The following MAPKAP1 variants were observed in gnomAD, a reference collection of about 807,000 sequenced individuals.
MAPKAP1 encodes the protein MAPK associated protein 1, also known as target of rapamycin complex 2 subunit MAPKAP1.
In MAPKAP1, 20 loss-of-function variants were observed where a neutral mutation model predicts 65.7. That is an observed-to-expected ratio of 0.30 (90% CI 0.21 to 0.44). The LOEUF is 0.44. Among genes scored for constraint, MAPKAP1 ranks in the 20% least tolerant of loss-of-function variants. The pLI, the probability that MAPKAP1 is intolerant of heterozygous loss-of-function variation, is 1.00. For synonymous variants in MAPKAP1, 222 were observed against 244.3 expected (o/e 0.91, Z 0.85); for missense variants, 423 against 648.0 (o/e 0.65, Z 3.77).
intron 4 of MAPKAP1, among the ~76,000 whole-genome samples, chr9:125,636,368 A>G (rs1833423602): frequency 6.6e-6 from 1 of 152,270 alleles, no homozygotes; most frequent in Non-Finnish European, 1.5e-5. Flanking sequence ...ACTAGGAAGT[A>G]CTGGTTTGAA....
intron 1 of MAPKAP1, among the ~76,000 whole-genome samples, chr9:125,676,510 T>C (rs1834648843): frequency 6.6e-6 from 1 of 151,102 alleles, no homozygotes; most frequent in Non-Finnish European, 1.5e-5. Context: ...CTAAGTGAAA[T>C]AAGCCAGTCG....
intron 1 of MAPKAP1, among the ~76,000 whole-genome samples, chr9:125,689,640 G>GA (rs1270394840): frequency 6.7e-6 from 1 of 149,532 alleles, no homozygotes; most frequent in Non-Finnish European, 1.5e-5. Context: ...TCAGGAGGCT[G>GA]AGGCGTGAGA....
intron 4 of MAPKAP1, chr9:125,599,813 A>T (rs2131608098): frequency 6.6e-6 from 1 of 152,372 alleles, no homozygotes; most frequent in Admixed American, 6.5e-5. Context: ...CATGTTGGCC[A>T]GGCTGTTCTT....
intron 7 of MAPKAP1, among the ~76,000 whole-genome samples, chr9:125,522,594 T>C (rs1186828941): frequency 1.3e-5 from 2 of 152,208 alleles, no homozygotes; most frequent in African/African-American, 4.8e-5. Context: ...CTCCCTTGCA[T>C]TCCTTCTCAC....
intron 8 of MAPKAP1, among the ~76,000 whole-genome samples, chr9:125,498,261 T>C (rs1001527336): frequency 2.6e-5 from 4 of 152,202 alleles, no homozygotes; most frequent in Admixed American, 6.5e-5. Flanking sequence ...TTCTCTCTCA[T>C]AGCATATAAA....
intron 4 of MAPKAP1, among the ~76,000 whole-genome samples, chr9:125,630,677 G>A (rs1258218516): frequency 2.0e-5 from 3 of 152,154 alleles, no homozygotes; most frequent in Non-Finnish European, 4.4e-5. Context: ...CTCTGCTATG[G>A]TTTGGATGTT....
intron 4 of MAPKAP1, among the ~76,000 whole-genome samples, chr9:125,590,888 C>T (rs1483822981): frequency 4.6e-5 from 7 of 152,124 alleles, no homozygotes; most frequent in Middle Eastern, 6.8e-3. Context: ...ATTCTTGGGC[C>T]TCAGCCACCC....
intron 4 of MAPKAP1, among the ~76,000 whole-genome samples, chr9:125,608,253 T>A (rs1832497605): frequency 6.6e-6 from 1 of 152,216 alleles, no homozygotes; most frequent in Non-Finnish European, 1.5e-5. Context: ...CTTTTCACAA[T>A]GTGACAAAGG....
At chr9:125,652,145 GGC>G in intron 4 of MAPKAP1, 1 of 1,310,556 alleles carries the variant, frequency 7.6e-7, no homozygotes, top group Non-Finnish European at 1.0e-6. Flanking sequence ...ATTTCTCGGT[GGC>G]TTCATGCTTT....
At chr9:125,506,206 C>G (rs570620605) in intron 8 of MAPKAP1, 104 bp downstream of exon 8, 1 of 959,238 alleles carries the variant, frequency 1.0e-6, no homozygotes, top group East Asian at 2.4e-5. Flanking sequence ...ACAGTCACTT[C>G]AAATCTGCCT....
At chr9:125,690,268 C>T (rs1835127452) in intron 1 of MAPKAP1, among the ~76,000 whole-genome samples, 1 of 152,216 alleles carries the variant, frequency 6.6e-6, no homozygotes, top group African/African-American at 2.4e-5. Context: ...ATAATCCTGG[C>T]TCCCTGATCA....
intron 5 of MAPKAP1, among the ~76,000 whole-genome samples, chr9:125,566,948 T>C (rs925319189): frequency 6.6e-6 from 1 of 152,170 alleles, no homozygotes; most frequent in Non-Finnish European, 1.5e-5. Context: ...ACCAAACTCA[T>C]GCCGCCCCTA....
intron 4 of MAPKAP1, among the ~76,000 whole-genome samples, chr9:125,627,590 CTCT>C (rs1189788108): frequency 6.6e-6 from 1 of 152,116 alleles, no homozygotes; most frequent in Non-Finnish European, 1.5e-5. Flanking sequence ...CTTCACCTAA[CTCT>C]TTTTTATTTT....
At chr9:125,505,697 G>A (rs1202996977) in intron 8 of MAPKAP1, among the ~76,000 whole-genome samples, 2 of 152,216 alleles carry the variant, frequency 1.3e-5, no homozygotes, top group African/African-American at 2.4e-5. Context: ...AGCATTCCAG[G>A]TGGAAGAAAT....
At chr9:125,542,165 G>C (rs1218014793) in intron 7 of MAPKAP1, among the ~76,000 whole-genome samples, 1 of 152,162 alleles carries the variant, frequency 6.6e-6, no homozygotes, top group African/African-American at 2.4e-5. Context: ...ATGGCCTTGA[G>C]ACAGCTCATC....
intron 10 of MAPKAP1, among the ~76,000 whole-genome samples, chr9:125,455,951 A>AT (rs926304243): frequency 6.6e-6 from 1 of 151,806 alleles, no homozygotes; most frequent in East Asian, 1.9e-4. Context: ...AAATTATTTC[A>AT]TTTTTTTTGA....
chr9:125,457,447 T>C (rs1564517256), intron 10 of MAPKAP1, among the ~76,000 whole-genome samples: 1 of 152,262 alleles, frequency 6.6e-6, no homozygotes, highest in Non-Finnish European at 1.5e-5. Context: ...GTGAATTCTA[T>C]CACCTCTGAC....
intron 1 of MAPKAP1, among the ~76,000 whole-genome samples, chr9:125,675,443 G>A (rs140551960): frequency 2.8e-4 from 42 of 152,246 alleles, no homozygotes; most frequent in African/African-American, 9.9e-4. Context: ...CACTTCTGAA[G>A]GCACATACCA....
At chr9:125,496,904 G>C (rs1854969678) in intron 8 of MAPKAP1, among the ~76,000 whole-genome samples, 1 of 152,120 alleles carries the variant, frequency 6.6e-6, no homozygotes, top group African/African-American at 2.4e-5. Context: ...AAAGAGCCAG[G>C]CCTGGCCACA....
Sources: allele counts gnomAD v4.1 joint callset (sites outside exome capture counted in the v4.1 genomes callset), GRCh38; gene constraint gnomAD v4.1.1; transcripts MANE v1.5; gene names NCBI Gene and HGNC (gene_info 2026-07-23, HGNC 2026-07-21).